THSD7A: variants seen among roughly 807,000 people sequenced by gnomAD.
THSD7A encodes thrombospondin type 1 domain containing 7A, also known as thrombospondin type-1 domain-containing protein 7A.
A neutral mutation model predicts 231.3 loss-of-function variants in THSD7A; 96 were observed. The ratio of observed to expected loss-of-function variants is 0.41; its 90% CI spans 0.35 to 0.49. The LOEUF is 0.49. THSD7A is among the 20% of genes least tolerant of loss of function. THSD7A has a pLI of 0.05. For missense variants in THSD7A, 2,290 were observed against 2,070.2 expected (o/e 1.11, Z -2.06); for synonymous variants, 940 against 743.3 (o/e 1.26, Z -4.30).
chr7:11,478,500 G>A (rs949234185), intron 7 of THSD7A, among the ~76,000 whole-genome samples: 35 of 152,210 alleles, frequency 2.3e-4, no homozygotes, highest in African/African-American at 8.2e-4. Context: ...TGCTGGCACA[G>A]ATGCCCAGCT....
At chr7:11,593,583 C>T (rs1438768858) in intron 2 of THSD7A, 81 bp from the exon 3 acceptor site, 3 of 1,513,582 alleles carry the variant, frequency 2.0e-6, no homozygotes, top group Non-Finnish European at 2.7e-6. Flanking sequence ...AGTGAATCAG[C>T]TTGGGCATTT....
intron 4 of THSD7A, among the ~76,000 whole-genome samples, chr7:11,587,534 C>T (rs923361683): frequency 2.4e-4 from 37 of 152,108 alleles, no homozygotes; most frequent in Non-Finnish European, 8.8e-5. Flanking sequence ...GGTGCTATCT[C>T]CAACTTAGGA....
intron 6 of THSD7A, among the ~76,000 whole-genome samples, chr7:11,494,055 T>C (rs1474660369): frequency 2.0e-5 from 3 of 152,074 alleles, no homozygotes; most frequent in Non-Finnish European, 2.9e-5. Context: ...GTGGGAATTT[T>C]GCTCCTATAG....
chr7:11,778,536 G>A (rs951878429), intron 1 of THSD7A, among the ~76,000 whole-genome samples: 1 of 152,148 alleles, frequency 6.6e-6, no homozygotes, highest in Non-Finnish European at 1.5e-5. Context: ...AAGAATGGTA[G>A]ATGGCAGAGT....
At chr7:11,417,137 A>C (rs1783988227) in intron 17 of THSD7A, among the ~76,000 whole-genome samples, 2 of 152,176 alleles carry the variant, frequency 1.3e-5, no homozygotes, top group African/African-American at 4.8e-5. Flanking sequence ...GGAGGGAATC[A>C]TTATCACCAC....
chr7:11,371,457 T>C lies in THSD7A; in HGVS notation c.*4337A>G, dbSNP rs1782048923. 6.6e-6 allele frequency: 1 copy of C among 152,178 alleles called. No individual in the cohort carries two copies. Among genetic ancestry groups the C allele is most frequent in the Non-Finnish European group, 1.5e-5 (1 of 68,028 alleles). The allele number at this position is 152,178 out of a possible 1,614,324, so 9.4% of individuals were successfully genotyped here. A position where few individuals can be genotyped will look rare whatever the true frequency, so the allele number is the denominator to read the frequency against. On this transcript the variant is annotated 3_prime_UTR_variant, in exon 28 of 28. Coordinates refer to ENST00000423059, the MANE Select transcript of THSD7A (RefSeq NM_015204.3). ...GATTTGCTCAAGGACTACTGTTTTT[T>C]CAACACCCTCAATCTTACAGTGGAA...
intron 1 of THSD7A, among the ~76,000 whole-genome samples, chr7:11,640,975 T>C (rs902423131): frequency 2.0e-5 from 3 of 152,132 alleles, no homozygotes; most frequent in Admixed American, 2.0e-4. Context: ...CCTAGTTCTT[T>C]ATTGATTTTT....
At chr7:11,726,486 C>A (rs1038471237) in intron 1 of THSD7A, among the ~76,000 whole-genome samples, 12 of 151,958 alleles carry the variant, frequency 7.9e-5, no homozygotes, top group South Asian at 4.1e-4. Flanking sequence ...CTTTTGCCCA[C>A]TTTTTGGTAC....
intron 1 of THSD7A, among the ~76,000 whole-genome samples, chr7:11,769,147 A>ATTTTT (rs1562541356): frequency 5.6e-5 from 2 of 35,654 alleles, no homozygotes; most frequent in Admixed American, 3.9e-4. Flanking sequence ...ATATATATAT[A>ATTTTT]TATATATTTT....
chr7:11,399,581 C>CAA (rs1405790805), intron 23 of THSD7A, among the ~76,000 whole-genome samples: 5 of 152,216 alleles, frequency 3.3e-5, no homozygotes, highest in African/African-American at 1.2e-4. Context: ...CACTGGCCAT[C>CAA]AGAGAAATGC....
intron 1 of THSD7A, among the ~76,000 whole-genome samples, chr7:11,761,643 T>C (rs1198682124): frequency 6.6e-6 from 1 of 152,142 alleles, no homozygotes; most frequent in East Asian, 1.9e-4. Flanking sequence ...TGGTTGCAAA[T>C]ACCTTCCAAG....
chr7:11,622,644 G>T (rs931813492), intron 2 of THSD7A, among the ~76,000 whole-genome samples: 3 of 152,046 alleles, frequency 2.0e-5, no homozygotes, highest in African/African-American at 7.2e-5. Context: ...TACCTCTCCA[G>T]ACTACCTAAA....
intron 4 of THSD7A, among the ~76,000 whole-genome samples, chr7:11,553,851 A>G (rs1789731668): frequency 6.6e-6 from 1 of 152,002 alleles, no homozygotes; most frequent in Non-Finnish European, 1.5e-5. Context: ...AAATGGAAAA[A>G]AATAAAAATA....
At chr7:11,578,973 CT>C (rs1004976616) in intron 4 of THSD7A, among the ~76,000 whole-genome samples, 6 of 151,644 alleles carry the variant, frequency 4.0e-5, no homozygotes, top group African/African-American at 1.5e-4. Context: ...TAGATTACTA[CT>C]TTGAGTTCTT....
chr7:11,774,402 T>C (rs571403346), intron 1 of THSD7A, among the ~76,000 whole-genome samples: 9 of 152,208 alleles, frequency 5.9e-5, no homozygotes, highest in African/African-American at 1.9e-4. Flanking sequence ...AGAGATGTGC[T>C]GTACAACATA....
intron 23 of THSD7A, among the ~76,000 whole-genome samples, chr7:11,393,392 A>G (rs1783060589): frequency 6.6e-6 from 1 of 152,232 alleles, no homozygotes; most frequent in Admixed American, 6.5e-5. Flanking sequence ...AGATAAATCC[A>G]TGAAGACGAG....
At chr7:11,721,313 T>C (rs867742919) in intron 1 of THSD7A, among the ~76,000 whole-genome samples, 4 of 151,928 alleles carry the variant, frequency 2.6e-5, no homozygotes, top group African/African-American at 4.8e-5. Flanking sequence ...GATTGGATCA[T>C]GGGAACATAT....
intron 1 of THSD7A, among the ~76,000 whole-genome samples, chr7:11,685,812 T>C (rs1830143): frequency 0.23 from 35,037 of 151,936 alleles, 4,594 homozygotes; most frequent in East Asian, 0.39. Flanking sequence ...AATTTGAAGA[T>C]TTCTCAAAGA....
chr7:11,772,609 G>C (rs543008099), intron 1 of THSD7A, among the ~76,000 whole-genome samples: 2 of 152,266 alleles, frequency 1.3e-5, no homozygotes, highest in South Asian at 2.1e-4. Flanking sequence ...AATTAATGCA[G>C]AAATGGAAAA....
Sources: allele counts gnomAD v4.1 joint callset (sites outside exome capture counted in the v4.1 genomes callset), GRCh38; gene constraint gnomAD v4.1.1; transcripts MANE v1.5; gene names NCBI Gene and HGNC (gene_info 2026-07-23, HGNC 2026-07-21).